NETO2: variants seen among roughly 807,000 people sequenced by gnomAD.
The protein encoded by NETO2 is neuropilin and tolloid like 2.
NETO2 carries 28 observed loss-of-function variants against 62.5 expected under a neutral mutation model. The observed-to-expected ratio is 0.45, with a 90% confidence interval of 0.33 to 0.61. The LOEUF (loss-of-function observed/expected upper bound fraction) is 0.61, where lower values mean the gene tolerates loss of function less well. Among genes scored for constraint, NETO2 ranks in the 20% least tolerant of loss-of-function variants. The pLI, the probability that NETO2 is intolerant of heterozygous loss-of-function variation, is 0.02. For synonymous variants in NETO2, 214 were observed against 219.1 expected (o/e 0.98, Z 0.21); for missense variants, 548 against 643.2 (o/e 0.85, Z 1.60).
At chr16:47,127,241 T>A (rs1452427636) in intron 4 of NETO2, among the ~76,000 whole-genome samples, 1 of 152,204 alleles carries the variant, frequency 6.6e-6, no homozygotes, top group African/African-American at 2.4e-5. Context: ...GAACAATAAC[T>A]TGCACATCTG....
At chr16:47,113,212 T>C (rs115423490) in intron 6 of NETO2, among the ~76,000 whole-genome samples, 3,102 of 152,322 alleles carry the variant, frequency 0.02, 106 homozygotes, top group African/African-American at 0.07. Flanking sequence ...ATTTTTCTCT[T>C]TACAGTTGAA....
intron 4 of NETO2, among the ~76,000 whole-genome samples, chr16:47,125,160 CTAA>C (rs1398650312): frequency 6.6e-6 from 1 of 152,158 alleles, no homozygotes; most frequent in Admixed American, 6.5e-5. Context: ...CTTCATGACA[CTAA>C]TGTTTCAATT....
intron 6 of NETO2, among the ~76,000 whole-genome samples, chr16:47,116,758 TTA>T (rs1963930782): frequency 6.6e-6 from 1 of 152,202 alleles, no homozygotes; most frequent in Non-Finnish European, 1.5e-5. Context: ...GTTTTCTTTG[TTA>T]GAAGGTGTTT....
At chr16:47,109,197 G>A (rs1194072435) in intron 7 of NETO2, among the ~76,000 whole-genome samples, 1 of 152,106 alleles carries the variant, frequency 6.6e-6, no homozygotes, top group Admixed American at 6.6e-5. Flanking sequence ...GCCTGGTATA[G>A]TGCCGTGTGC....
intron 1 of NETO2, among the ~76,000 whole-genome samples, chr16:47,139,852 G>A (rs1382533550): frequency 6.6e-6 from 1 of 152,204 alleles, no homozygotes; most frequent in Non-Finnish European, 1.5e-5. Flanking sequence ...TGGCGCTTTT[G>A]TAAGCTGTAT....
intron 1 of NETO2, among the ~76,000 whole-genome samples, chr16:47,139,356 T>G (rs1567402872): frequency 1.3e-5 from 2 of 151,906 alleles, no homozygotes; most frequent in South Asian, 2.1e-4. Flanking sequence ...GAACTGAGAT[T>G]CCCCCCCACC....
Position 47,081,850 on chromosome 16 carries a change from C to T in NETO2, c.*1371G>A, listed in dbSNP as rs1206661326. 2 of 152,412 alleles carry T rather than the reference C, an allele frequency of 1.3e-5. No individual in the cohort carries two copies. Among genetic ancestry groups the T allele is most frequent in the Non-Finnish European group, 2.9e-5 (2 of 67,970 alleles). The allele number at this position is 152,412 out of a possible 1,614,324, so 9.4% of individuals were successfully genotyped here. A position where few individuals can be genotyped will look rare whatever the true frequency, so the allele number is the denominator to read the frequency against. ...GTGTAGTGATTTAGAGCATAAATATCACACAGTGAAAAATTTATCACAAAC... is the reference window on the plus strand; with the variant it reads ...GTGTAGTGATTTAGAGCATAAATATTACACAGTGAAAAATTTATCACAAAC... On this transcript the variant is annotated 3_prime_UTR_variant, in exon 9 of 9. Coordinates refer to ENST00000562435, the MANE Select transcript of NETO2 (RefSeq NM_018092.5).
intron 6 of NETO2, among the ~76,000 whole-genome samples, chr16:47,110,089 TTTC>T (rs1359438504): frequency 1.3e-5 from 2 of 152,196 alleles, no homozygotes; most frequent in South Asian, 2.1e-4. Context: ...AATTGGTGAG[TTTC>T]TTTTCACTCT....
At chr16:47,129,463 C>T (rs1173861771) in intron 2 of NETO2, 99 bp from the exon 3 acceptor site, 1 of 1,212,768 alleles carries the variant, frequency 8.2e-7, no homozygotes, top group African/African-American at 1.5e-5. Flanking sequence ...CTCTATGCTA[C>T]ATATATAAAA....
At position 47,083,284 on chromosome 16, in the gene NETO2, G is replaced by A; in HGVS notation, c.1515C>T (p.Pro505=). The change falls in exon 9 of 9, where the codon CCC becomes CCT. Residue 505 remains proline (P), a synonymous_variant. Coordinates refer to ENST00000562435, the MANE Select transcript of NETO2 (RefSeq NM_018092.5). ...CTCGCCCCCTGACATAAATTTCACAGGGAATCTCCTCCATTACTCGGTCTT... is the reference window on the plus strand; with the variant it reads ...CTCGCCCCCTGACATAAATTTCACAAGGAATCTCCTCCATTACTCGGTCTT... The part of the protein sequence containing the change: ...ALEDRVMEEI[P]CEIYVRGRED... 1.9e-6 allele frequency: 3 copies of A among 1,614,052 alleles called. No homozygotes were observed. The highest frequency in any genetic ancestry group is 2.5e-6 in the Non-Finnish European group (3 of 1,179,946).
At chr16:47,137,955 T>C (rs954211086) in intron 1 of NETO2, among the ~76,000 whole-genome samples, 9 of 152,308 alleles carry the variant, frequency 5.9e-5, no homozygotes, top group African/African-American at 2.2e-4. Flanking sequence ...TCTGTCTCAC[T>C]ACCCAGCTGT....
At chr16:47,121,858 T>A (rs1426148258) in intron 6 of NETO2, among the ~76,000 whole-genome samples, 1 of 152,232 alleles carries the variant, frequency 6.6e-6, no homozygotes, top group African/African-American at 2.4e-5. Flanking sequence ...TACCCTCTTT[T>A]TCTCCTTCCT....
chr16:47,089,729 G>A (rs1278439773), intron 7 of NETO2, among the ~76,000 whole-genome samples: 3 of 152,048 alleles, frequency 2.0e-5, no homozygotes, highest in African/African-American at 7.2e-5. Flanking sequence ...TACAAAATTA[G>A]CTACAAAATT....
chr16:47,132,175 G>A (rs1964279819), intron 1 of NETO2, 150 bp from the exon 2 acceptor site: 3 of 619,360 alleles, frequency 4.8e-6, no homozygotes, highest in South Asian at 1.9e-5. Flanking sequence ...AGCATTAAAT[G>A]TTATGTTCTG....
intron 7 of NETO2, among the ~76,000 whole-genome samples, chr16:47,092,749 C>T (rs1963339124): frequency 6.6e-6 from 1 of 152,200 alleles, no homozygotes; most frequent in South Asian, 2.1e-4. Flanking sequence ...CAGGTTCTCT[C>T]CCTGGTGAAG....
intron 7 of NETO2, among the ~76,000 whole-genome samples, chr16:47,105,826 G>A (rs1208936030): frequency 6.6e-6 from 1 of 152,150 alleles, no homozygotes; most frequent in Non-Finnish European, 1.5e-5. Flanking sequence ...AAAATAACAG[G>A]TATTGGTGAA....
chr16:47,133,570 G>A (rs919493207), intron 1 of NETO2, among the ~76,000 whole-genome samples: 1 of 143,336 alleles, frequency 7.0e-6, no homozygotes, highest in African/African-American at 2.6e-5. Flanking sequence ...ATAACATAAA[G>A]TAACATAAAA....
At chr16:47,121,428 T>C (rs562544511) in intron 6 of NETO2, among the ~76,000 whole-genome samples, 4 of 152,298 alleles carry the variant, frequency 2.6e-5, no homozygotes, top group Non-Finnish European at 4.4e-5. Context: ...CTGTCAGTCT[T>C]TGGACTTCAT....
intron 7 of NETO2, among the ~76,000 whole-genome samples, chr16:47,093,524 G>A (rs1963358753): frequency 6.6e-6 from 1 of 152,140 alleles, no homozygotes; most frequent in South Asian, 2.1e-4. Flanking sequence ...TTTAGGGCAG[G>A]TACTGTTCCA....
Sources: allele counts gnomAD v4.1 joint callset (sites outside exome capture counted in the v4.1 genomes callset), GRCh38; gene constraint gnomAD v4.1.1; transcripts MANE v1.5; gene names NCBI Gene and HGNC (gene_info 2026-07-23, HGNC 2026-07-21).